MTOR: variants seen among roughly 807,000 people sequenced by gnomAD.
MTOR encodes the protein serine/threonine-protein kinase mTOR.
A neutral mutation model predicts 319.8 loss-of-function variants in MTOR; 70 were observed. That is an observed-to-expected ratio of 0.22 (90% CI 0.18 to 0.27). The LOEUF (loss-of-function observed/expected upper bound fraction) is 0.27, where lower values mean the gene tolerates loss of function less well. MTOR is among the 10% of genes least tolerant of loss of function. The pLI, the probability that MTOR is intolerant of heterozygous loss-of-function variation, is 1.00. For synonymous variants in MTOR, 1,183 were observed against 1,211.4 expected, an observed-to-expected ratio of 0.98 and a Z score of 0.49; for missense variants, 1,890 against 3,274.4, an observed-to-expected ratio of 0.58 and a Z score of 10.32.
intron 28 of MTOR, among the ~76,000 whole-genome samples, chr1:11,169,605 C>T (rs1427218766): frequency 6.6e-6 from 1 of 152,210 alleles, no homozygotes; most frequent in Non-Finnish European, 1.5e-5. Context: ...TAAATGTATA[C>T]AAAAGGATTG....
intron 34 of MTOR, among the ~76,000 whole-genome samples, chr1:11,140,839 T>C (rs1643663212): frequency 6.6e-6 from 1 of 152,214 alleles, no homozygotes; most frequent in South Asian, 2.1e-4. Flanking sequence ...CTGATAAAGA[T>C]ATTAAATTTA....
intron 28 of MTOR, among the ~76,000 whole-genome samples, chr1:11,175,208 T>C (rs1644944307): frequency 6.6e-6 from 1 of 152,090 alleles, no homozygotes; most frequent in African/African-American, 2.4e-5. Context: ...AAACTGCCTA[T>C]CCGCATAATA....
chr1:11,148,932 A>G (rs1355707270), intron 31 of MTOR, among the ~76,000 whole-genome samples: 2 of 150,540 alleles, frequency 1.3e-5, no homozygotes, highest in African/African-American at 2.5e-5. Context: ...GTGTGTGTAT[A>G]TATATATATA....
chr1:11,153,289 C>T (rs1041019626), intron 30 of MTOR, among the ~76,000 whole-genome samples: 4 of 152,072 alleles, frequency 2.6e-5, no homozygotes, highest in Non-Finnish European at 5.9e-5. Flanking sequence ...AAGAATGGAA[C>T]GAATGAATGT....
In MTOR at chr1:11,128,785, C is replaced by A. The variant is rs1642976755; in HGVS notation, c.5811+70G>T. 1 of 1,334,416 alleles carries A rather than the reference C, an allele frequency of 7.5e-7. No individual in the cohort carries two copies. Among genetic ancestry groups the A allele is most frequent in the Non-Finnish European group, 1.1e-6 (1 of 935,834 alleles). The allele number at this position is 1,334,416 out of a possible 1,614,324, so 82.7% of individuals were successfully genotyped here. ...CACTGCCTTGTGACACTGAACACAG[C>A]ATGCTTGTAAGAGGAGACACACAGA... On this transcript the variant is annotated intron_variant, in intron 41 of 57. Coordinates refer to ENST00000361445, the MANE Select transcript of MTOR (RefSeq NM_004958.4). This position sits in a 1 kb window ranked among gnomAD's most constrained non-coding sequence, Gnocchi z 5.3.
intron 1 of MTOR, among the ~76,000 whole-genome samples, chr1:11,261,413 A>G (rs1320654790): frequency 2.0e-5 from 3 of 151,804 alleles, no homozygotes; most frequent in African/African-American, 4.8e-5. Flanking sequence ...CGGAGCTTGC[A>G]GTGAGCAGAG....
intron 30 of MTOR, among the ~76,000 whole-genome samples, chr1:11,155,796 C>G (rs1380225336): frequency 6.6e-6 from 1 of 152,108 alleles, no homozygotes; most frequent in African/African-American, 2.4e-5. Flanking sequence ...TCTGGGAAGG[C>G]AGGGGCTGTA....
At chr1:11,250,108 C>G (rs1270906870) in intron 6 of MTOR, among the ~76,000 whole-genome samples, 1 of 146,826 alleles carries the variant, frequency 6.8e-6, no homozygotes, top group Non-Finnish European at 1.5e-5. Context: ...CTCCTCACTT[C>G]CCAGTAGGGG....
In MTOR at chr1:11,133,099, T is replaced by C. The variant is rs767448054; in HGVS notation, c.5345A>G (p.His1782Arg). The C allele has an allele frequency of 1.1e-5, 18 of 1,614,062 alleles. No homozygotes were observed. The highest frequency in any genetic ancestry group is 1.5e-5 in the Non-Finnish European group (18 of 1,180,048). Residue 1782 changes from histidine (H) to arginine (R), a missense_variant, in exon 38 of 58, where the codon CAC (histidine) becomes CGC (arginine). His to Arg is a conservative substitution (Grantham distance 29). Around this residue, in one of 15 missense-constraint regions of MTOR, gnomAD observed 276 missense variants for 459.4 expected, o/e 0.60. Coordinates refer to ENST00000361445, the MANE Select transcript of MTOR (RefSeq NM_004958.4). This position sits in a 1 kb window ranked among gnomAD's most constrained non-coding sequence, Gnocchi z 4.0. ...GATCACCTTGTACCAGCTGCGGTCGTGCTCTGTGGCGGCGCTGTAGTACTG... is the reference window on the plus strand; with the variant it reads ...GATCACCTTGTACCAGCTGCGGTCGCGCTCTGTGGCGGCGCTGTAGTACTG... ...VLQYYSAATE[H>R]DRSWYKAWHA...
intron 47 of MTOR, 106 bp downstream of exon 47, chr1:11,124,392 A>T: frequency 7.1e-7 from 1 of 1,418,362 alleles, no homozygotes; most frequent in Non-Finnish European, 9.6e-7. Context: ...CTGGCTCCCT[A>T]ATTTTATAGT....
chr1:11,148,887 G>C (rs1167051154), intron 31 of MTOR, among the ~76,000 whole-genome samples: 1 of 150,466 alleles, frequency 6.6e-6, no homozygotes, highest in Non-Finnish European at 1.5e-5. Context: ...GACAGAGCGA[G>C]ACTCCATGTC....
Position 11,255,993 on chromosome 1 carries a change from C to G in MTOR, c.704G>C (p.Arg235Thr). 1 of 1,613,774 alleles carries G rather than the reference C, an allele frequency of 6.2e-7. No homozygotes were observed. Among genetic ancestry groups the G allele is most frequent in the Non-Finnish European group, 8.5e-7 (1 of 1,179,924 alleles). The change falls in exon 5 of 58, where the codon AGG becomes ACG. Residue 235 changes from arginine (R) to threonine (T), a missense_variant and splice_region_variant. By Grantham distance (71) the Arg-to-Thr change is moderately conservative. Coordinates refer to ENST00000361445, the MANE Select transcript of MTOR (RefSeq NM_004958.4). ...PKEMQKPQWY[R>T]HTFEEAEKGF... ...GTGGGAATGGAGCCATCTCCTTACC[C>G]TGTACCACTGAGGCTTCTGCATCTC...
chr1:11,189,609 C>T (rs980343268), intron 28 of MTOR: 1 of 1,613,224 alleles, frequency 6.2e-7, no homozygotes, highest in African/African-American at 1.3e-5. Context: ...CAGCTGTGAC[C>T]TGGCTCTGCA....
intron 19 of MTOR, among the ~76,000 whole-genome samples, chr1:11,222,618 C>T (rs1269456046): frequency 2.6e-5 from 4 of 152,132 alleles, no homozygotes; most frequent in African/African-American, 9.7e-5. Flanking sequence ...ATATTACAGC[C>T]ACCATGCCCA....
At chr1:11,194,686 G>C (rs766991443) in intron 28 of MTOR, 1 of 1,613,810 alleles carries the variant, frequency 6.2e-7, no homozygotes, top group Non-Finnish European at 8.5e-7. Context: ...CCGGAAAGGA[G>C]AAGTTCAGGT....
intron 30 of MTOR, among the ~76,000 whole-genome samples, chr1:11,155,938 C>CGG (rs1203049617): frequency 2.0e-5 from 3 of 152,176 alleles, no homozygotes; most frequent in African/African-American, 7.2e-5. Flanking sequence ...TAGGGATAAC[C>CGG]TACTAGTCGG....
At chr1:11,253,802 C>T (rs374174390) in intron 6 of MTOR, 37 bp downstream of exon 6, 8 of 1,612,268 alleles carry the variant, frequency 5.0e-6, no homozygotes, top group Non-Finnish European at 5.9e-6. Flanking sequence ...GAATGGTACA[C>T]GGGGAGCCTG....
At chr1:11,158,547 C>A (rs895302799) in intron 29 of MTOR, among the ~76,000 whole-genome samples, 4 of 152,050 alleles carry the variant, frequency 2.6e-5, no homozygotes, top group Non-Finnish European at 4.4e-5. Context: ...TCAAAATGAG[C>A]GTATCTGGCT....
At chr1:11,258,366 A>T in intron 3 of MTOR, 119 bp downstream of exon 3, 1 of 717,662 alleles carries the variant, frequency 1.4e-6, no homozygotes, top group Non-Finnish European at 2.3e-6. Flanking sequence ...ATTAAAAGCC[A>T]CGGGCTTCTT....
Sources: gnomAD v4.1 joint callset for allele counts (sites outside exome capture counted in the v4.1 genomes callset) on GRCh38, gnomAD v4.1.1 for gene constraint, gnomAD v4.1.1 regional missense constraint, Gnocchi (gnomAD v3.1) non-coding constraint, MANE v1.5 for transcripts, NCBI Gene and HGNC (gene_info 2026-07-23, HGNC 2026-07-21) for gene names.